The following PHYH variants were observed in gnomAD, a reference collection of about 807,000 sequenced individuals.
PHYH encodes the protein phytanoyl-CoA dioxygenase, peroxisomal.
A neutral mutation model predicts 38.5 loss-of-function variants in PHYH; 32 were observed. That is an observed-to-expected ratio of 0.83 (90% CI 0.63 to 1.12). The LOEUF (loss-of-function observed/expected upper bound fraction) is 1.12, where lower values mean the gene tolerates loss of function less well. PHYH is among the 50% of genes most tolerant of loss of function. PHYH has a pLI of 0.00. For missense variants in PHYH, 426 were observed against 434.8 expected (o/e 0.98, Z 0.18); for synonymous variants, 166 against 157.9 (o/e 1.05, Z -0.38).
At chr10:13,282,442 A>G (rs1368052391) in intron 7 of PHYH, among the ~76,000 whole-genome samples, 1 of 151,976 alleles carries the variant, frequency 6.6e-6, no homozygotes, top group African/African-American at 2.4e-5. Context: ...AAATACAAAA[A>G]TTAGCTGGGC....
At chr10:13,299,899 C>T in intron 1 of PHYH, 69 bp downstream of exon 1, 1 of 1,473,268 alleles carries the variant, frequency 6.8e-7, no homozygotes, top group Non-Finnish European at 8.9e-7. Flanking sequence ...CCACCCGGAC[C>T]AGGGCCACCA....
intron 5 of PHYH, among the ~76,000 whole-genome samples, chr10:13,291,225 T>G (rs544569825): frequency 6.6e-6 from 1 of 151,676 alleles, no homozygotes; most frequent in African/African-American, 2.4e-5. Flanking sequence ...CTATCACAGC[T>G]AAAAAGAGCT....
In PHYH at chr10:13,283,677, T is replaced by C; in HGVS notation, c.828+13A>G. The C allele has an allele frequency of 6.2e-7, 1 of 1,613,924 alleles. No homozygotes were observed. Among genetic ancestry groups the C allele is most frequent in the Non-Finnish European group, 8.5e-7 (1 of 1,179,810 alleles). On this transcript the variant is annotated intron_variant, in intron 7 of 8. Transcript: ENST00000263038. ...CACACTTCTGCAGCAGGTGCAGCAA[T>C]GTGAATGCTTACCTTCCGGAATCCC... is the stretch of plus-strand genomic sequence containing the variant.
intron 5 of PHYH, 178 bp downstream of exon 5, chr10:13,291,653 T>A (rs1262960305): frequency 1.7e-6 from 1 of 602,310 alleles, no homozygotes; most frequent in East Asian, 2.9e-5. Flanking sequence ...TATTTTTAAA[T>A]TTTATTTTTA....
In PHYH at chr10:13,283,840, C is replaced by A. The variant is rs770682604; in HGVS notation, c.679-1G>T. 46 of 1,613,462 alleles carry A rather than the reference C, an allele frequency of 2.9e-5. No individual in the cohort carries two copies. The highest frequency in any genetic ancestry group is 2.2e-5 in the East Asian group (1 of 44,890). Reference sequence around the variant, plus strand: ...CGTGGAACATTTTGTTAACTCCCCCCTAGAACAAGAGGCAAGTGAAGTCTA... The same window carrying A: ...CGTGGAACATTTTGTTAACTCCCCCATAGAACAAGAGGCAAGTGAAGTCTA... On this transcript the variant is annotated splice_acceptor_variant, in intron 6 of 8. Transcript: ENST00000263038. LOFTEE classifies it high-confidence loss of function.
chr10:13,283,068 G>A (rs540566696), intron 7 of PHYH, among the ~76,000 whole-genome samples: 22 of 150,890 alleles, frequency 1.5e-4, no homozygotes, highest in Non-Finnish European at 2.7e-4. Flanking sequence ...TGATCCTCCC[G>A]CCTCAGCCTC....
chr10:13,284,454 T>G lies in PHYH; in HGVS notation c.679-615A>C, dbSNP rs547189564. On this transcript the variant is annotated intron_variant, in intron 6 of 8. Transcript: ENST00000263038. ...ATTATACATGAAGATCTAGCTTAGC[T>G]TTGCCTTTTGTGGTTAATGCAGGCA... 2.9e-3 allele frequency among the ~76,000 whole-genome samples: 448 copies of G among 152,314 alleles called. 5 individuals are homozygous for G. The highest frequency in any genetic ancestry group is 4.0e-3 in the Non-Finnish European group (275 of 68,036).
At chr10:13,294,630 CG>C (rs775315566) in intron 3 of PHYH, 34 bp from the exon 4 acceptor site, 2 of 1,604,170 alleles carry the variant, frequency 1.2e-6, no homozygotes, top group South Asian at 1.1e-5. Flanking sequence ...ATGTCGTTAC[CG>C]CTGGCTCCAA....
chr10:13,296,725 T>C (rs541201181), intron 2 of PHYH, among the ~76,000 whole-genome samples: 28 of 147,988 alleles, frequency 1.9e-4, no homozygotes, highest in South Asian at 1.3e-3. Context: ...TTTGGGAGGC[T>C]GAGGTGGGCG....
At chr10:13,299,048 A>G (rs11594577) in intron 1 of PHYH, among the ~76,000 whole-genome samples, 115,690 of 147,958 alleles carry the variant, frequency 0.78, 46,176 homozygotes, top group South Asian at 0.88. Context: ...GCTGAGGTGG[A>G]AGGATCTCTT....
intron 6 of PHYH, among the ~76,000 whole-genome samples, chr10:13,285,646 C>T (rs982151916): frequency 1.0e-4 from 15 of 149,698 alleles, no homozygotes; most frequent in African/African-American, 3.5e-4. Flanking sequence ...GCTTTGTTGC[C>T]CAGGCTGGAA....
At chr10:13,290,377 C>A (rs1438294193) in intron 5 of PHYH, among the ~76,000 whole-genome samples, 1 of 152,138 alleles carries the variant, frequency 6.6e-6, no homozygotes, top group Non-Finnish European at 1.5e-5. Flanking sequence ...TCGGAGTGCC[C>A]ATGACCACAC....
Position 13,294,795 on chromosome 10 carries a change from T to C in PHYH, c.246-199A>G, listed in dbSNP as rs1407666119. On this transcript the variant is annotated intron_variant, in intron 3 of 8. Transcript: ENST00000263038. ...CCATTCCCAGAATTAAATTATTCCCTAGTTTAGCATACCAGTAGGGAAGTC... is the reference window on the plus strand; with the variant it reads ...CCATTCCCAGAATTAAATTATTCCCCAGTTTAGCATACCAGTAGGGAAGTC... 1.0e-5 allele frequency: 6 copies of C among 597,826 alleles called. No individual in the cohort carries two copies. The East Asian group carries it at 1.7e-4, about 17-fold the overall frequency. 37.0% of individuals were successfully genotyped at this position (597,826 alleles called of 1,614,324 possible). A position where few individuals can be genotyped will look rare whatever the true frequency, so the allele number is the denominator to read the frequency against.
chr10:13,293,217 C>T (rs1296305689), intron 4 of PHYH, among the ~76,000 whole-genome samples: 1 of 152,138 alleles, frequency 6.6e-6, no homozygotes, highest in East Asian at 1.9e-4. Flanking sequence ...AAGAGCCATC[C>T]TCACAACTTC....
chr10:13,279,677 T>C (rs1318798263), intron 8 of PHYH, among the ~76,000 whole-genome samples: 2 of 152,332 alleles, frequency 1.3e-5, no homozygotes, highest in Admixed American at 6.5e-5. Flanking sequence ...GAGAACTATG[T>C]AGCAGAGGTT....
intron 2 of PHYH, among the ~76,000 whole-genome samples, chr10:13,296,434 T>C (rs190299185): frequency 4.2e-4 from 64 of 151,080 alleles, no homozygotes; most frequent in Admixed American, 7.3e-4. Flanking sequence ...AAAATTAGCG[T>C]GCCTGTAATC....
intron 5 of PHYH, among the ~76,000 whole-genome samples, chr10:13,288,759 A>T (rs1835624984): frequency 6.6e-6 from 1 of 151,678 alleles, no homozygotes; most frequent in Non-Finnish European, 1.5e-5. Flanking sequence ...CAACAAAAAC[A>T]ACTAGCCGGG....
At chr10:13,299,825 C>T in intron 1 of PHYH, 143 bp downstream of exon 1, 10 of 1,322,412 alleles carry the variant, frequency 7.6e-6, no homozygotes, top group Non-Finnish European at 8.7e-6. Flanking sequence ...AGACGCGACC[C>T]AGGCGGGGAC....
chr10:13,291,929 A>G lies in PHYH; in HGVS notation c.415-17T>C, dbSNP rs1457363333. On this transcript the variant is annotated splice_polypyrimidine_tract_variant and intron_variant, in intron 4 of 8. Coordinates refer to ENST00000263038, the MANE Select transcript of PHYH (RefSeq NM_006214.4). ...TTTCAGAATCTAAGAAAGCAAAAAA[A>G]AAACAAAAACAAACCTTGTGGGAAA... The G allele has an allele frequency of 3.9e-6, 6 of 1,550,570 alleles. No individual in the cohort carries two copies. The highest frequency in any genetic ancestry group is 5.3e-6 in the Non-Finnish European group (6 of 1,126,610).
Sources: allele counts gnomAD v4.1 joint callset (sites outside exome capture counted in the v4.1 genomes callset), GRCh38; gene constraint gnomAD v4.1.1; transcripts MANE v1.5; gene names NCBI Gene and HGNC (gene_info 2026-07-23, HGNC 2026-07-21).